The following PLD5 variants were observed in gnomAD, a reference collection of about 807,000 sequenced individuals.
PLD5 encodes the protein inactive phospholipase D5.
Under a neutral mutation model 61.1 loss-of-function variants are expected in PLD5, and 36 were observed. The ratio of observed to expected loss-of-function variants is 0.59; its 90% CI spans 0.45 to 0.78. PLD5 has a LOEUF of 0.78. Among genes scored for constraint, PLD5 ranks in the 30% least tolerant of loss-of-function variants. The pLI is 0.00. For synonymous variants in PLD5, 243 were observed against 242.8 expected, an observed-to-expected ratio of 1.00 and a Z score of -0.01; for missense variants, 515 against 644.4, an observed-to-expected ratio of 0.80 and a Z score of 2.17.
rs1405261801 is a variant in PLD5, at chr1:242,089,776, T to TA, written c.*77dup. 3.2e-5 allele frequency: 49 copies of TA among 1,555,248 alleles called. No individual in the cohort carries two copies. Among genetic ancestry groups the TA allele is most frequent in the Non-Finnish European group, 8.8e-7 (1 of 1,138,550 alleles). On this transcript the variant is annotated 3_prime_UTR_variant, in exon 10 of 10. Transcript: ENST00000536534. The stretch of plus-strand genomic sequence containing the variant: ...TTTTTCCCTAAAAAAAGAGACATAT[T>TA]AAAGTGTTTTTTCTCTCCTCAAGTC...
At chr1:242,288,725 AGTTTAT>A (rs1675177036) in intron 2 of PLD5, among the ~76,000 whole-genome samples, 195 bp from the exon 3 acceptor site, 1 of 152,160 alleles carries the variant, frequency 6.6e-6, no homozygotes, top group Non-Finnish European at 1.5e-5. Flanking sequence ...GTGTTCTGAG[AGTTTAT>A]GCTCTATTTT....
At chr1:242,461,455 A>T (rs1456799147) in intron 1 of PLD5, among the ~76,000 whole-genome samples, 1 of 152,222 alleles carries the variant, frequency 6.6e-6, no homozygotes, top group Admixed American at 6.5e-5. Context: ...TAATAATTTG[A>T]TTTCAAATAC....
At chr1:242,440,572 G>A (rs1003411692) in intron 1 of PLD5, among the ~76,000 whole-genome samples, 8 of 152,200 alleles carry the variant, frequency 5.3e-5, no homozygotes, top group Admixed American at 4.6e-4. Context: ...AGGGCCAAGC[G>A]GACCATATGA....
At chr1:242,284,106 CTTTTTCTTTTTCCTTTTTTTTTTTT>C (rs1674873260) in intron 3 of PLD5, among the ~76,000 whole-genome samples, 1 of 110,922 alleles carries the variant, frequency 9.0e-6, no homozygotes, top group South Asian at 3.2e-4. Context: ...TAAAAATAAT[CTTTTTCTTTTTCCTTTTTTTTTTTT>C]TTTTTTTTTT....
chr1:242,463,301 T>TCTC lies in PLD5; in HGVS notation c.189+60786_189+60787insGAG, dbSNP rs151208488. ...TCCATGCTCTCTATGCCCATCCCCT[T>TCTC]CTGCTTTGTTGCACTTGCTTGTCAT... On this transcript the variant is annotated intron_variant, in intron 1 of 9. Coordinates refer to ENST00000536534, the MANE Select transcript of PLD5 (RefSeq NM_001372062.1). Among the ~76,000 whole-genome samples the TCTC allele has an allele frequency of 9.7e-3, 1,472 of 152,308 alleles. 29 individuals are homozygous for TCTC. Among genetic ancestry groups the TCTC allele is most frequent in the African/African-American group, 0.034 (1,421 of 41,568 alleles).
chr1:242,122,629 A>C (rs550916133), intron 6 of PLD5, among the ~76,000 whole-genome samples: 31 of 152,114 alleles, frequency 2.0e-4, no homozygotes, highest in Non-Finnish European at 4.0e-4. Context: ...ATTTATATTT[A>C]TATTTATTCG....
upstream of PLD5, among the ~76,000 whole-genome samples, chr1:242,528,522 T>C (rs531924236): frequency 7.2e-5 from 11 of 152,148 alleles, no homozygotes; most frequent in Non-Finnish European, 1.2e-4. Flanking sequence ...CACTTTGCAT[T>C]GTCATAAAAT....
intron 1 of PLD5, among the ~76,000 whole-genome samples, chr1:242,376,137 T>C (rs1661939724): frequency 6.6e-6 from 1 of 152,246 alleles, no homozygotes; most frequent in South Asian, 2.1e-4. Flanking sequence ...TCCCTCCTTG[T>C]GCTCTTAAAG....
At chr1:242,333,318 G>A (rs930493460) in intron 2 of PLD5, among the ~76,000 whole-genome samples, 3 of 152,120 alleles carry the variant, frequency 2.0e-5, no homozygotes, top group Non-Finnish European at 4.4e-5. Flanking sequence ...AAAATGCAGT[G>A]CAAGGATTTA....
intron 1 of PLD5, among the ~76,000 whole-genome samples, chr1:242,367,850 A>G (rs1661428650): frequency 6.6e-6 from 1 of 152,166 alleles, no homozygotes; most frequent in Non-Finnish European, 1.5e-5. Context: ...AAACATCAGA[A>G]GAGATTATTA....
At chr1:242,296,766 G>T (rs1302543571) in intron 2 of PLD5, among the ~76,000 whole-genome samples, 1 of 152,146 alleles carries the variant, frequency 6.6e-6, no homozygotes, top group Non-Finnish European at 1.5e-5. Context: ...AAGTGCAGTA[G>T]CTATTCACAG....
chr1:242,156,716 G>A (rs1665401433), intron 5 of PLD5, among the ~76,000 whole-genome samples: 2 of 152,204 alleles, frequency 1.3e-5, no homozygotes, highest in Non-Finnish European at 2.9e-5. Flanking sequence ...TCTGCAGAGA[G>A]ATATGCTGTT....
At chr1:242,193,204 T>C (rs1191939495) in intron 5 of PLD5, among the ~76,000 whole-genome samples, 1 of 152,008 alleles carries the variant, frequency 6.6e-6, no homozygotes, top group Non-Finnish European at 1.5e-5. Context: ...ATTTTATTAT[T>C]GGTCTAGTTT....
chr1:242,274,590 TA>T (rs1674304252), intron 3 of PLD5, among the ~76,000 whole-genome samples: 1 of 151,994 alleles, frequency 6.6e-6, no homozygotes, highest in African/African-American at 2.4e-5. Context: ...CCATCTCTAC[TA>T]AAAATACAAA....
chr1:242,178,419 G>A (rs1239272074), intron 5 of PLD5: 2 of 152,164 alleles, frequency 1.3e-5, no homozygotes, highest in African/African-American at 4.8e-5. Flanking sequence ...GTCCCTCACT[G>A]TGTCCTGGAG....
At chr1:242,156,035 T>C (rs531711439) in intron 5 of PLD5, among the ~76,000 whole-genome samples, 26 of 152,228 alleles carry the variant, frequency 1.7e-4, no homozygotes, top group Admixed American at 1.4e-3. Context: ...TGGGTGTTCC[T>C]GTATTGGGTG....
chr1:242,477,541 C>T (rs140437710), intron 1 of PLD5, among the ~76,000 whole-genome samples: 4 of 152,248 alleles, frequency 2.6e-5, no homozygotes, highest in South Asian at 2.1e-4. Flanking sequence ...GAGCTATACC[C>T]GCAGTTGAGG....
At chr1:242,107,579 G>C in intron 8 of PLD5, 92 bp downstream of exon 8, 1 of 1,238,286 alleles carries the variant, frequency 8.1e-7, no homozygotes, top group East Asian at 2.5e-5. Flanking sequence ...GTTCTTACTG[G>C]AACTTTACAC....
intron 1 of PLD5, chr1:242,377,520 C>G (rs938009436): frequency 8.2e-6 from 5 of 611,090 alleles, no homozygotes; most frequent in South Asian, 2.0e-5. Flanking sequence ...TGAGGTTGGA[C>G]GCCATGCCAC....
Sources: gnomAD v4.1 joint callset for allele counts (sites outside exome capture counted in the v4.1 genomes callset) on GRCh38, gnomAD v4.1.1 for gene constraint, MANE v1.5 for transcripts, NCBI Gene and HGNC (gene_info 2026-07-23, HGNC 2026-07-21) for gene names.